Variants in IL5RA observed in about 807,000 individuals in gnomAD.
The protein encoded by IL5RA is interleukin 5 receptor subunit alpha.
A neutral mutation model predicts 50.0 loss-of-function variants in IL5RA; 49 were observed. The ratio of observed to expected loss-of-function variants is 0.98; its 90% confidence interval spans 0.78 to 1.24. The LOEUF (loss-of-function observed/expected upper bound fraction) is 1.24, where lower values mean the gene tolerates loss of function less well. Among genes scored for constraint, IL5RA ranks in the 50% most tolerant of loss-of-function variants. The pLI is 0.00. For synonymous variants in IL5RA, 202 were observed against 174.0 expected (o/e 1.16, Z -1.26); for missense variants, 600 against 500.4 (o/e 1.20, Z -1.90).
chr3:3,101,356 C>G (rs1210827853), intron 5 of IL5RA, among the ~76,000 whole-genome samples: 1 of 152,152 alleles, frequency 6.6e-6, no homozygotes, highest in African/African-American at 2.4e-5. Flanking sequence ...TGTCCCAGGA[C>G]TTGGTAGCCT....
rs138934928 is a variant in IL5RA, at chr3:3,091,463, G to A, written c.994+761C>T. 5.6e-3 allele frequency among the ~76,000 whole-genome samples: 860 copies of A among 152,236 alleles called. 6 individuals carry two copies. The highest frequency in any genetic ancestry group is 0.019 in the African/African-American group (808 of 41,540). ...ATGAGGACATATGGCTCGGCACAGC[G>A]GCTCATGCCTGTAATCCCAGCACTT... On this transcript the variant is annotated intron_variant, in intron 9 of 11. Transcript: ENST00000446632.
At chr3:3,101,936 A>C in intron 4 of IL5RA, 106 bp from the exon 5 acceptor site, 1 of 983,652 alleles carries the variant, frequency 1.0e-6, no homozygotes, top group Non-Finnish European at 1.5e-6. Context: ...GATTAGTAAG[A>C]TGCAATGAAA....
chr3:3,071,686 C>T (rs1247346154), intron 11 of IL5RA, among the ~76,000 whole-genome samples: 1 of 151,600 alleles, frequency 6.6e-6, no homozygotes, highest in Non-Finnish European at 1.5e-5. Context: ...GCCTCCTGGG[C>T]TCAAGCCATC....
intron 1 of IL5RA, 125 bp downstream of exon 1, chr3:3,109,820 C>A (rs948961752): frequency 1.3e-5 from 2 of 152,178 alleles, no homozygotes; most frequent in Non-Finnish European, 2.9e-5. Context: ...TAACCCTCCT[C>A]CCCACCCTGG....
Position 3,092,773 on chromosome 3 carries a change from T to C in IL5RA, c.856-411A>G, listed in dbSNP as rs896264895. Among the ~76,000 whole-genome samples the C allele has an allele frequency of 6.6e-6, 1 of 152,236 alleles. No homozygotes were observed. The highest frequency in any genetic ancestry group is 2.4e-5 in the African/African-American group (1 of 41,462). On this transcript the variant is annotated intron_variant, in intron 8 of 11. Coordinates refer to ENST00000446632, the MANE Select transcript of IL5RA (RefSeq NM_175726.4). The surrounding 1 kb of genome is among the most constrained non-coding windows in gnomAD (Gnocchi z 4.2). ...GTGTTGAAATGAAGCTATTTTCTCA[T>C]GAATGAGCCCTTCTTCTTTTTCCTT...
intron 5 of IL5RA, among the ~76,000 whole-genome samples, chr3:3,100,535 T>A (rs1387469803): frequency 2.0e-5 from 3 of 152,328 alleles, no homozygotes; most frequent in African/African-American, 7.2e-5. Context: ...ACTTTAGAGA[T>A]CCTGACAACT....
chr3:3,070,843 A>G (rs1309955197), intron 11 of IL5RA, among the ~76,000 whole-genome samples: 1 of 151,780 alleles, frequency 6.6e-6, no homozygotes, highest in African/African-American at 2.4e-5. Flanking sequence ...GGCCTCCCAA[A>G]ATGCTGGGAT....
At chr3:3,106,711 A>T (rs112705149) in intron 2 of IL5RA, among the ~76,000 whole-genome samples, 2 of 152,164 alleles carry the variant, frequency 1.3e-5, no homozygotes. Context: ...AAGAACAGCA[A>T]CAAAGATAGC....
chr3:3,106,670 T>C (rs1703934558), intron 2 of IL5RA, among the ~76,000 whole-genome samples: 1 of 152,174 alleles, frequency 6.6e-6, no homozygotes, highest in Admixed American at 6.6e-5. Flanking sequence ...AGTAATCTAC[T>C]AAGCCTGAGA....
At chr3:3,079,196 T>G (rs1381870206) in intron 9 of IL5RA, among the ~76,000 whole-genome samples, 1 of 152,222 alleles carries the variant, frequency 6.6e-6, no homozygotes, top group African/African-American at 2.4e-5. Context: ...TTTTATGAAG[T>G]CTTTTCCCAG....
chr3:3,092,514 G>C lies in IL5RA; in HGVS notation c.856-152C>G. 1 of 717,756 alleles carries C rather than the reference G, an allele frequency of 1.4e-6. No individual in the cohort carries two copies. The highest frequency in any genetic ancestry group is 2.3e-6 in the Non-Finnish European group (1 of 428,382). 44.5% of individuals were successfully genotyped at this position (717,756 alleles called of 1,614,324 possible). On this transcript the variant is annotated intron_variant, in intron 8 of 11. Coordinates refer to ENST00000446632, the MANE Select transcript of IL5RA (RefSeq NM_175726.4). This position sits in a 1 kb window ranked among gnomAD's most constrained non-coding sequence, Gnocchi z 4.2. ...GGCACACATTAATTCGTTTATGCTA[G>C]GTGCGTTAGTGTGGATGTGTTGGCA...
chr3:3,079,143 C>G (rs755709380), intron 9 of IL5RA, among the ~76,000 whole-genome samples: 5 of 152,126 alleles, frequency 3.3e-5, no homozygotes, highest in Non-Finnish European at 7.3e-5. Context: ...GTGGCCTATT[C>G]TTTGAACTTT....
At chr3:3,096,984 G>C (rs1279036869) in intron 7 of IL5RA, among the ~76,000 whole-genome samples, 1 of 152,194 alleles carries the variant, frequency 6.6e-6, no homozygotes, top group African/African-American at 2.4e-5. Context: ...ACAAAGGAAT[G>C]ATCAGCTTGT....
rs10642608 is a variant in IL5RA at position 3,075,203 on chromosome 3, CTTTTTT to C, written c.1092-343_1092-338del. Among the ~76,000 whole-genome samples, 10 of 69,974 alleles carry C rather than the reference CTTTTTT, an allele frequency of 1.4e-4. No homozygotes were observed. In the South Asian group the frequency reaches 1.8e-3, roughly 13 times the overall value. The allele number at this position is 69,974 out of a possible 152,430, so 45.9% of individuals were successfully genotyped here. ...TATGTTTACTCACAGAGTTTACTTACTTTTTTTTTTTTTTTTTTTTTTTTGGTCTTG... is the reference window on the plus strand; with the variant it reads ...TATGTTTACTCACAGAGTTTACTTACTTTTTTTTTTTTTTTTTTGGTCTTG... On this transcript the variant is annotated intron_variant, in intron 10 of 11. Coordinates refer to ENST00000446632, the MANE Select transcript of IL5RA (RefSeq NM_175726.4).
chr3:3,100,277 GAGA>G (rs764879675), intron 5 of IL5RA, among the ~76,000 whole-genome samples: 1 of 152,146 alleles, frequency 6.6e-6, no homozygotes, highest in Non-Finnish European at 1.5e-5. Flanking sequence ...GAAGCAGAGG[GAGA>G]AGATGATGAG....
At chr3:3,080,475 T>C (rs1409446013) in intron 9 of IL5RA, among the ~76,000 whole-genome samples, 1 of 152,210 alleles carries the variant, frequency 6.6e-6, no homozygotes, top group Non-Finnish European at 1.5e-5. Flanking sequence ...ATTTTAAGCA[T>C]TGCTTTTCAT....
rs754286407 is a variant in IL5RA at position 3,070,307 on chromosome 3, G to C, written c.1181C>G (p.Ala394Gly). The change falls in exon 12 of 12, where the codon GCT (alanine) becomes GGT (glycine). Residue 394 changes from alanine to glycine, a missense_variant. Coordinates refer to ENST00000446632, the MANE Select transcript of IL5RA (RefSeq NM_175726.4). ...DLFVTTNYEK[A>G]GSSETEIEVI... The stretch of plus-strand genomic sequence containing the variant: ...TTCAATTTCCGTCTCACTGGACCCA[G>C]CTTTCTGCAAAACAAATCATCTTTC... The C allele has an allele frequency of 1.2e-6, 2 of 1,608,224 alleles. No homozygotes were observed. Among genetic ancestry groups the C allele is most frequent in the African/African-American group, 1.3e-5 (1 of 74,630 alleles).
intron 5 of IL5RA, among the ~76,000 whole-genome samples, chr3:3,099,667 A>ATTATTG (rs1703547444): frequency 6.7e-6 from 1 of 148,770 alleles, no homozygotes; most frequent in South Asian, 2.1e-4. Flanking sequence ...ATTTATTATT[A>ATTATTG]TTATTATTAT....
chr3:3,085,086 C>G (rs545833495), intron 9 of IL5RA, among the ~76,000 whole-genome samples: 3 of 152,226 alleles, frequency 2.0e-5, no homozygotes, highest in Non-Finnish European at 4.4e-5. Flanking sequence ...TGAGGCAGTC[C>G]GCCCCCCCTG....
Sources: allele counts gnomAD v4.1 joint callset (sites outside exome capture counted in the v4.1 genomes callset), GRCh38; gene constraint gnomAD v4.1.1; non-coding constraint Gnocchi (gnomAD v3.1); transcripts MANE v1.5; gene names NCBI Gene and HGNC (gene_info 2026-07-23, HGNC 2026-07-21).